The following TCTN1 variants were observed in gnomAD, a reference collection of about 807,000 sequenced individuals.
TCTN1 encodes tectonic-1.
A neutral mutation model predicts 65.8 loss-of-function variants in TCTN1; 58 were observed. The observed-to-expected ratio is 0.88, with a 90% CI of 0.71 to 1.10. The LOEUF (loss-of-function observed/expected upper bound fraction) is 1.10. Ranked by LOEUF, TCTN1 falls within the 50% of genes least tolerant of loss-of-function variation. TCTN1 has a pLI of 0.00. For synonymous variants in TCTN1, 273 were observed against 289.1 expected, an observed-to-expected ratio of 0.94 and a Z score of 0.57; for missense variants, 645 against 719.4, an observed-to-expected ratio of 0.90 and a Z score of 1.18.
At chr12:110,637,657 C>T (rs2066666623) in intron 7 of TCTN1, among the ~76,000 whole-genome samples, 1 of 152,184 alleles carries the variant, frequency 6.6e-6, no homozygotes, top group Admixed American at 6.5e-5. Flanking sequence ...CAGTCTCCTT[C>T]TCTCTCCTCT....
intron 1 of TCTN1, chr12:110,617,023 A>G (rs2135866403): frequency 6.6e-6 from 1 of 152,312 alleles, no homozygotes; most frequent in South Asian, 2.1e-4. Flanking sequence ...CCTTTTTCCT[A>G]AGTGGAGTTA....
At chr12:110,624,365 C>T (rs2065677257) in intron 2 of TCTN1, among the ~76,000 whole-genome samples, 1 of 151,774 alleles carries the variant, frequency 6.6e-6, no homozygotes, top group Non-Finnish European at 1.5e-5. Flanking sequence ...AGGCATCTGC[C>T]AGCATGCCGG....
At position 110,640,218 on chromosome 12, in the gene TCTN1, G is replaced by T; in HGVS notation, c.844-165G>T. On this transcript the variant is annotated intron_variant, in intron 7 of 14. Transcript: ENST00000397659. This position sits in a 1 kb window ranked among gnomAD's most constrained non-coding sequence, Gnocchi z 4.9. ...GTATTTTCTTTGTGAATGTATATATGTTTATTACTTTTGCAAATGTGGATC... is the reference window on the plus strand; with the variant it reads ...GTATTTTCTTTGTGAATGTATATATTTTTATTACTTTTGCAAATGTGGATC... 1.3e-6 allele frequency: 1 copy of T among 791,176 alleles called. No homozygotes were observed. The allele number at this position is 791,176 out of a possible 1,614,324, so 49.0% of individuals were successfully genotyped here.
rs754282561 is a variant in TCTN1, at chr12:110,628,914, A to G, written c.620A>G (p.Tyr207Cys). Reference sequence around the variant, plus strand: ...CTGGATATTCCTACTGCTGCTAAATATGAGGTGAGCCTGAACTTGATTGAT... The same window carrying G: ...CTGGATATTCCTACTGCTGCTAAATGTGAGGTGAGCCTGAACTTGATTGAT... ...TKLDIPTAAK[Y>C]EYGVPLQTSD... is the part of the protein sequence containing the mutation. Residue 207 changes from tyrosine to cysteine, a missense_variant, in exon 4 of 15, where the codon TAT becomes TGT. Coordinates refer to ENST00000397659, the MANE Select transcript of TCTN1 (RefSeq NM_001082538.3). 1.2e-6 allele frequency: 2 copies of G among 1,613,602 alleles called. No individual in the cohort carries two copies. The highest frequency in any genetic ancestry group is 2.2e-5 in the East Asian group (1 of 44,812).
At position 110,614,274 on chromosome 12, in the gene TCTN1, C is replaced by T. The variant is rs1057032194; in HGVS notation, c.92C>T (p.Thr31Met). The change falls in exon 1 of 15, where the codon ACG becomes ATG. Residue 31 changes from threonine to methionine, a missense_variant. Transcript: ENST00000397659. ...CAGACCGATGCCACCCCGGCGGTGACGACAGAGGGCCTCAACTCCACCGAG... is the reference window on the plus strand; with the variant it reads ...CAGACCGATGCCACCCCGGCGGTGATGACAGAGGGCCTCAACTCCACCGAG... ...SAQTDATPAV[T>M]TEGLNSTEAA... The T allele has an allele frequency of 1.9e-6, 3 of 1,595,856 alleles. No homozygotes were observed. The African/African-American group carries it at 4.0e-5, about 21-fold the overall frequency.
chr12:110,631,761 T>A (rs909747013), intron 4 of TCTN1, among the ~76,000 whole-genome samples: 1 of 152,266 alleles, frequency 6.6e-6, no homozygotes, highest in Non-Finnish European at 1.5e-5. Flanking sequence ...TATACATACA[T>A]TTTTGTACAC....
chr12:110,634,414 C>T (rs1248183595), intron 5 of TCTN1: 5 of 538,500 alleles, frequency 9.3e-6, no homozygotes, highest in Non-Finnish European at 1.4e-5. Flanking sequence ...TACTGGTTCA[C>T]ACCTGTAATC....
intron 7 of TCTN1, among the ~76,000 whole-genome samples, chr12:110,637,611 T>C (rs1250376674): frequency 2.0e-5 from 3 of 152,218 alleles, no homozygotes; most frequent in Non-Finnish European, 4.4e-5. Flanking sequence ...CTGTGCTGGT[T>C]GGAGCAGGGA....
At position 110,634,674 on chromosome 12, in the gene TCTN1, TC is replaced by T; in HGVS notation, c.718del (p.Leu240TrpfsTer2). ...LCTDNNPAAFLVNQAVKCTRK... is the reference protein window; with the variant it reads ...LCTDNNPAAFXVNQAVKCTRK... ...GGGAATGTTAATGATTTCTAGCGTTTCTGGTGAACCAGGCTGTTAAGTGCAC... is the reference window on the plus strand; with the variant it reads ...GGGAATGTTAATGATTTCTAGCGTTTTGGTGAACCAGGCTGTTAAGTGCAC... On this transcript the variant is annotated frameshift_variant, in exon 6 of 15. Coordinates refer to ENST00000397659, the MANE Select transcript of TCTN1 (RefSeq NM_001082538.3). LOFTEE classifies it high-confidence loss of function. 1 of 1,605,930 alleles carries T rather than the reference TC, an allele frequency of 6.2e-7. No individual in the cohort carries two copies. Among genetic ancestry groups the T allele is most frequent in the East Asian group, 2.2e-5 (1 of 44,840 alleles).
chr12:110,634,515 A>G (rs1253901850), intron 5 of TCTN1, 155 bp from the exon 6 acceptor site: 2 of 680,712 alleles, frequency 2.9e-6, no homozygotes, highest in Non-Finnish European at 5.0e-6. Context: ...TGTCTCTACT[A>G]AAAAAACAAA....
rs565323384 is a variant in TCTN1, at chr12:110,636,854, G to A, written c.843+353G>A. Among the ~76,000 whole-genome samples the A allele has an allele frequency of 1.5e-3, 229 of 152,346 alleles. 1 individual carries two copies. Among genetic ancestry groups the A allele is most frequent in the Non-Finnish European group, 2.7e-3 (182 of 68,028 alleles). ...CTGTCCAGCTCCCAGGATGCTGCCCGTCCAGGGCAGAAGCCATAAGCACTT... is the reference window on the plus strand; with the variant it reads ...CTGTCCAGCTCCCAGGATGCTGCCCATCCAGGGCAGAAGCCATAAGCACTT... On this transcript the variant is annotated intron_variant, in intron 7 of 14. Coordinates refer to ENST00000397659, the MANE Select transcript of TCTN1 (RefSeq NM_001082538.3).
rs2067186837 is a variant in TCTN1 at position 110,644,716 on chromosome 12, C to CA, written c.1332-245dup. On this transcript the variant is annotated intron_variant, in intron 11 of 14. Coordinates refer to ENST00000397659, the MANE Select transcript of TCTN1 (RefSeq NM_001082538.3). The surrounding 1 kb of genome is among the most constrained non-coding windows in gnomAD (Gnocchi z 4.6). ...AAACCAAAAATCAAAACTTAAAAAA[C>CA]AAAAAACTGCTGGTGGGCTGGGTGT... The CA allele has an allele frequency of 5.7e-6, 3 of 527,494 alleles. No individual in the cohort carries two copies. The highest frequency in any genetic ancestry group is 3.8e-5 in the African/African-American group (2 of 52,050). The allele number at this position is 527,494 out of a possible 1,614,324, so 32.7% of individuals were successfully genotyped here.
At chr12:110,645,495 T>TGG (rs2067238878) in intron 12 of TCTN1, 1 of 335,562 alleles carries the variant, frequency 3.0e-6, no homozygotes. Context: ...TTGTGATTGC[T>TGG]GGTGTCCCCC....
At chr12:110,630,060 CAG>C (rs1263898465) in intron 4 of TCTN1, 5 of 152,082 alleles carry the variant, frequency 3.3e-5, no homozygotes, top group Non-Finnish European at 5.9e-5. Context: ...ACATCACACA[CAG>C]GGGCCTGTCA....
chr12:110,637,443 G>T (rs2066652237), intron 7 of TCTN1, among the ~76,000 whole-genome samples: 1 of 152,218 alleles, frequency 6.6e-6, no homozygotes, highest in South Asian at 2.1e-4. Context: ...GGTGTGTGAG[G>T]CTGGATCCTG....
intron 5 of TCTN1, 95 bp downstream of exon 5, chr12:110,632,654 C>A: frequency 7.8e-7 from 1 of 1,277,084 alleles, no homozygotes; most frequent in Non-Finnish European, 1.1e-6. Context: ...AAAGTAATGA[C>A]CAAAATCGCA....
intron 3 of TCTN1, among the ~76,000 whole-genome samples, chr12:110,626,927 C>T (rs2065889300): frequency 6.6e-6 from 1 of 151,128 alleles, no homozygotes; most frequent in Non-Finnish European, 1.5e-5. Context: ...CATGGGCCAC[C>T]ATGCCTGGCC....
At position 110,639,093 on chromosome 12, in the gene TCTN1, A is replaced by G. The variant is rs2136112778; in HGVS notation, c.844-1290A>G. Among the ~76,000 whole-genome samples, 1 of 152,256 alleles carries G rather than the reference A, an allele frequency of 6.6e-6. No individual in the cohort carries two copies. Among genetic ancestry groups the G allele is most frequent in the East Asian group, 1.9e-4 (1 of 5,206 alleles). ...AGGACTGCTTATTTATCTCTAAAAT[A>G]ACTGCTTAAATACTTGGTCATTTTG... On this transcript the variant is annotated intron_variant, in intron 7 of 14. Coordinates refer to ENST00000397659, the MANE Select transcript of TCTN1 (RefSeq NM_001082538.3). This position sits in a 1 kb window ranked among gnomAD's most constrained non-coding sequence, Gnocchi z 4.9.
intron 5 of TCTN1, among the ~76,000 whole-genome samples, chr12:110,632,940 A>G (rs781569769): frequency 9.9e-5 from 15 of 152,184 alleles, no homozygotes; most frequent in Non-Finnish European, 2.9e-5. Flanking sequence ...TATTAAGCAC[A>G]TATTGTGTGC....
Sources: gnomAD v4.1 joint callset for allele counts (sites outside exome capture counted in the v4.1 genomes callset) on GRCh38, gnomAD v4.1.1 for gene constraint, Gnocchi (gnomAD v3.1) non-coding constraint, MANE v1.5 for transcripts, NCBI Gene and HGNC (gene_info 2026-07-23, HGNC 2026-07-21) for gene names.